Variants in RGS5 observed in about 807,000 individuals in gnomAD.
RGS5 encodes the protein regulator of G-protein signalling 5.
In RGS5, 20 loss-of-function variants were observed where a neutral mutation model predicts 18.9. That is an observed-to-expected ratio of 1.06 (90% CI 0.74 to 1.54). The LOEUF (loss-of-function observed/expected upper bound fraction) is 1.54. Among genes scored for constraint, RGS5 ranks in the 40% most tolerant of loss-of-function variants. The probability of loss-of-function intolerance (pLI) is 0.00; values close to 1 mark genes in which losing one functional copy is unlikely to be tolerated. For missense variants in RGS5, 201 were observed against 211.8 expected (o/e 0.95, Z 0.32); for synonymous variants, 57 against 76.2 (o/e 0.75, Z 1.31).
chr1:163,207,463 G>A (rs897548735), upstream of RGS5, among the ~76,000 whole-genome samples: 1 of 152,104 alleles, frequency 6.6e-6, no homozygotes, highest in Non-Finnish European at 1.5e-5. Context: ...AAATAAATGA[G>A]AGCCTCATTT....
chr1:163,263,535 C>T (rs1648504233), intron 2 of RGS5, among the ~76,000 whole-genome samples: 1 of 152,116 alleles, frequency 6.6e-6, no homozygotes, highest in Non-Finnish European at 1.5e-5. Context: ...CCAACAACTC[C>T]CAAAGACCAA....
chr1:163,297,224 T>C (rs2999849), intron 2 of RGS5, among the ~76,000 whole-genome samples: 142,362 of 152,180 alleles, frequency 0.94, 67,027 homozygotes, highest in South Asian at 1. Flanking sequence ...GAGACAAAGA[T>C]TTGTTGGTGA....
chr1:163,234,161 G>C (rs1319437600), intron 2 of RGS5, among the ~76,000 whole-genome samples: 2 of 152,238 alleles, frequency 1.3e-5, no homozygotes, highest in East Asian at 1.9e-4. Flanking sequence ...CCTTGTTTTT[G>C]ATTTTAGAGA....
intron 3 of RGS5, among the ~76,000 whole-genome samples, chr1:163,155,474 G>A (rs955884116): frequency 4.6e-5 from 7 of 152,152 alleles, no homozygotes; most frequent in African/African-American, 1.7e-4. Context: ...TCTGCAAGAT[G>A]TGTAAAGCTA....
intron 2 of RGS5, among the ~76,000 whole-genome samples, chr1:163,242,459 A>G (rs1477688751): frequency 6.6e-6 from 1 of 152,240 alleles, no homozygotes; most frequent in Non-Finnish European, 1.5e-5. Context: ...GAGATAAGAT[A>G]GAAGCATACA....
intron 4 of RGS5, among the ~76,000 whole-genome samples, chr1:163,148,910 T>G (rs1657263596): frequency 6.6e-6 from 1 of 152,228 alleles, no homozygotes; most frequent in Admixed American, 6.5e-5. Context: ...ATAAAGGTTT[T>G]GGGTCTCTCC....
At chr1:163,161,232 C>T (rs992828115) in intron 3 of RGS5, among the ~76,000 whole-genome samples, 8 of 152,122 alleles carry the variant, frequency 5.3e-5, no homozygotes, top group African/African-American at 1.9e-4. Context: ...GCAGACCGGC[C>T]ATATAGTTAT....
chr1:163,248,579 T>C (rs775133925), intron 2 of RGS5: 2 of 151,990 alleles, frequency 1.3e-5, no homozygotes, highest in Non-Finnish European at 2.9e-5. Flanking sequence ...TTGCTCAAAA[T>C]ATCAAGAATA....
At chr1:163,258,498 A>T (rs949417599) in intron 2 of RGS5, among the ~76,000 whole-genome samples, 2 of 151,720 alleles carry the variant, frequency 1.3e-5, no homozygotes, top group African/African-American at 4.8e-5. Context: ...GCTAAAAGCT[A>T]AAAAAAAATC....
chr1:163,293,501 C>A (rs1649347463), intron 2 of RGS5, among the ~76,000 whole-genome samples: 1 of 152,190 alleles, frequency 6.6e-6, no homozygotes, highest in African/African-American at 2.4e-5. Flanking sequence ...CAGGTCCCTT[C>A]CTTGACACTT....
intron 1 of RGS5, among the ~76,000 whole-genome samples, chr1:163,180,338 TC>T (rs1658758764): frequency 6.6e-6 from 1 of 152,120 alleles, no homozygotes; most frequent in Admixed American, 6.5e-5. Flanking sequence ...CTTCTCCAGG[TC>T]TGAATTACTG....
upstream of RGS5, chr1:163,202,986 C>G (rs1659840515): frequency 3.0e-6 from 2 of 675,532 alleles, no homozygotes; most frequent in South Asian, 4.0e-5. Context: ...CCAGCCAATC[C>G]AGAGCCTTAG....
At chr1:163,188,168 G>C (rs1306069990) in intron 1 of RGS5, among the ~76,000 whole-genome samples, 1 of 152,148 alleles carries the variant, frequency 6.6e-6, no homozygotes, top group Non-Finnish European at 1.5e-5. Context: ...GTTTAGAAAT[G>C]ATGGTAGATC....
chr1:163,200,144 A>C (rs1659721413), intron 1 of RGS5, among the ~76,000 whole-genome samples: 1 of 152,180 alleles, frequency 6.6e-6, no homozygotes, highest in East Asian at 1.9e-4. Context: ...GTCCTGGGGA[A>C]GTGAAATAAT....
chr1:163,152,200 T>C (rs752013054), intron 4 of RGS5, among the ~76,000 whole-genome samples: 31 of 152,168 alleles, frequency 2.0e-4, no homozygotes, highest in Non-Finnish European at 4.4e-4. Context: ...CTATTTAATT[T>C]AATCCTCACA....
At chr1:163,254,790 T>C (rs532887866) in intron 2 of RGS5, among the ~76,000 whole-genome samples, 14,515 of 151,558 alleles carry the variant, frequency 0.096, 1,319 homozygotes, top group African/African-American at 0.24. Flanking sequence ...GGTCTAACGT[T>C]TAAGTCTTTA....
chr1:163,178,355 A>C (rs1012555801), intron 1 of RGS5, among the ~76,000 whole-genome samples: 3 of 152,048 alleles, frequency 2.0e-5, no homozygotes, highest in African/African-American at 7.2e-5. Flanking sequence ...TAAATAAATA[A>C]AAGAAGCAGA....
intron 3 of RGS5, among the ~76,000 whole-genome samples, chr1:163,156,176 T>TA (rs1433208122): frequency 1.3e-5 from 2 of 152,168 alleles, no homozygotes; most frequent in Non-Finnish European, 2.9e-5. Context: ...GGTTAAAAAT[T>TA]ATATTACTGC....
At chr1:163,187,531 T>C (rs911313486) in intron 1 of RGS5, among the ~76,000 whole-genome samples, 17 of 152,128 alleles carry the variant, frequency 1.1e-4, no homozygotes, top group African/African-American at 4.1e-4. Flanking sequence ...TTGTGGGTCT[T>C]AAGACACTCC....
Sources: allele counts gnomAD v4.1 joint callset (sites outside exome capture counted in the v4.1 genomes callset), GRCh38; gene constraint gnomAD v4.1.1; transcripts MANE v1.5; gene names NCBI Gene and HGNC (gene_info 2026-07-23, HGNC 2026-07-21).